THSD7B: variants seen among roughly 807,000 people sequenced by gnomAD.
The protein encoded by THSD7B is thrombospondin type-1 domain-containing protein 7B.
A neutral mutation model predicts 213.6 loss-of-function variants in THSD7B; 138 were observed. That is an observed-to-expected ratio of 0.65 (90% CI 0.56 to 0.74). The LOEUF is 0.74. THSD7B is among the 30% of genes least tolerant of loss of function. The probability of loss-of-function intolerance (pLI) is 0.00; values close to 1 mark genes in which losing one functional copy is unlikely to be tolerated. For missense variants in THSD7B, 1,931 were observed against 1,991.5 expected (o/e 0.97, Z 0.58); for synonymous variants, 742 against 687.0 (o/e 1.08, Z -1.25).
intron 7 of THSD7B, among the ~76,000 whole-genome samples, chr2:137,177,585 T>C (rs1477219136): frequency 6.6e-6 from 1 of 152,126 alleles, no homozygotes; most frequent in Non-Finnish European, 1.5e-5. Flanking sequence ...TCAGTAGGGC[T>C]AGAATAGGGC....
At chr2:137,076,675 C>T (rs1041202855) in intron 3 of THSD7B, among the ~76,000 whole-genome samples, 98 of 152,188 alleles carry the variant, frequency 6.4e-4, no homozygotes, top group Non-Finnish European at 1.2e-4. Flanking sequence ...CCATCTTCTG[C>T]GTCACTCACG....
intron 7 of THSD7B, among the ~76,000 whole-genome samples, chr2:137,196,627 GGGT>G (rs1680771275): frequency 6.6e-6 from 1 of 151,974 alleles, no homozygotes; most frequent in South Asian, 2.1e-4. Context: ...TTGTCCATGT[GGGT>G]GGCTGAGACA....
At chr2:136,787,845 C>T (rs199809467) in intron 1 of THSD7B, among the ~76,000 whole-genome samples, 1 of 151,554 alleles carries the variant, frequency 6.6e-6, no homozygotes, top group Middle Eastern at 3.2e-3. Flanking sequence ...GTAGTTTCCC[C>T]TAATGCTATT....
At position 137,275,978 on chromosome 2, in the gene THSD7B, G is replaced by T; in HGVS notation, c.2452G>T (p.Gly818Ter). 2 of 1,612,310 alleles carry T rather than the reference G, an allele frequency of 1.2e-6. No individual in the cohort carries two copies. The highest frequency in any genetic ancestry group is 1.1e-5 in the South Asian group (1 of 91,008). Residue 818 changes from glycine to a stop codon, truncating the protein, a stop_gained, in exon 12 of 28, where the codon GGA becomes TGA. Coordinates refer to ENST00000409968, the MANE Select transcript of THSD7B (RefSeq NM_001316349.2). LOFTEE classifies it high-confidence loss of function. Reference sequence around the variant, plus strand: ...CTTAGTGCCAGAGTCTGTCTGGCAGGGAATAACGGGCAGCAGTGAAGCCTG... The same window carrying T: ...CTTAGTGCCAGAGTCTGTCTGGCAGTGAATAACGGGCAGCAGTGAAGCCTG... ...CILVPESVWQ[G>*]ITGSSEACGK...
intron 21 of THSD7B, among the ~76,000 whole-genome samples, chr2:137,647,421 TTCTCTC>T (rs60400076): frequency 5.1e-4 from 43 of 84,580 alleles, no homozygotes; most frequent in African/African-American, 1.8e-3. Flanking sequence ...CTCTGTCTCT[TTCTCTC>T]TCTCTCTCTC....
chr2:137,470,910 C>CTTTTTT (rs70978226), intron 15 of THSD7B, among the ~76,000 whole-genome samples: 5 of 119,822 alleles, frequency 4.2e-5, no homozygotes, highest in Non-Finnish European at 6.9e-5. Flanking sequence ...TTTTTCTTTA[C>CTTTTTT]TTTTTTTTTT....
rs187887961 is a variant in THSD7B, at chr2:137,232,902, G to A, written c.1919G>A (p.Gly640Glu). 6.8e-6 allele frequency: 11 copies of A among 1,613,764 alleles called. No individual in the cohort carries two copies. The East Asian group carries it at 2.5e-4, about 36-fold the overall frequency. The change falls in exon 9 of 28, where the codon GGA becomes GAA. Residue 640 changes from glycine (G) to glutamate (E), a missense_variant. By Grantham distance (98) the Gly-to-Glu change is moderately conservative. Transcript: ENST00000409968. Reference protein sequence around the residue: ...RTILALAGEGGKPCPPSQALQ... With the variant: ...RTILALAGEGEKPCPPSQALQ... Reference sequence around the variant, plus strand: ...CTTTTGTTCTTATTTTTGGCAGGTGGAAAGCCATGTCCCCCTAGTCAGGCT... The same window carrying A: ...CTTTTGTTCTTATTTTTGGCAGGTGAAAAGCCATGTCCCCCTAGTCAGGCT...
chr2:137,520,953 T>C (rs1680173035), intron 15 of THSD7B, among the ~76,000 whole-genome samples: 1 of 152,184 alleles, frequency 6.6e-6, no homozygotes, highest in Admixed American at 6.5e-5. Context: ...TAGTGAACCA[T>C]TGTGGGTGAA....
intron 15 of THSD7B, among the ~76,000 whole-genome samples, chr2:137,527,504 C>T (rs1680300894): frequency 6.6e-6 from 1 of 151,994 alleles, no homozygotes; most frequent in Non-Finnish European, 1.5e-5. Context: ...TTTAGCTGAA[C>T]ATTGTGGTTA....
chr2:137,387,733 A>G (rs2104973239), intron 12 of THSD7B, among the ~76,000 whole-genome samples: 1 of 152,312 alleles, frequency 6.6e-6, no homozygotes, highest in Middle Eastern at 3.4e-3. Context: ...TTAAGAGTTC[A>G]ACTAAATAGC....
At chr2:137,514,775 A>G (rs542877616) in intron 15 of THSD7B, among the ~76,000 whole-genome samples, 1 of 152,150 alleles carries the variant, frequency 6.6e-6, no homozygotes, top group African/African-American at 2.4e-5. Flanking sequence ...TGCAAAATAA[A>G]TGCATTTGAC....
chr2:136,803,183 G>C (rs1319993672), intron 1 of THSD7B, among the ~76,000 whole-genome samples: 1 of 151,738 alleles, frequency 6.6e-6, no homozygotes, highest in Non-Finnish European at 1.5e-5. Flanking sequence ...ATATATATAA[G>C]ACTGTTTATT....
Position 137,056,803 on chromosome 2 carries a change from C to A in THSD7B, c.523C>A (p.Pro175Thr). Residue 175 changes from proline (P) to threonine (T), a missense_variant, in exon 3 of 28, where the codon CCT becomes ACT. Pro to Thr is a conservative substitution (Grantham distance 38, BLOSUM62 -1). Transcript: ENST00000409968. Reference protein sequence around the residue: ...QPPTEQACLIPCPRDCVVSEF... With the variant: ...QPPTEQACLITCPRDCVVSEF... ...TCCTACAGAACAGGCTTGCCTCATT[C>A]CTTGTCCCCGGGATTGTGTAGTATC... 6.2e-7 allele frequency: 1 copy of A among 1,613,940 alleles called. No individual in the cohort carries two copies.
At chr2:137,394,656 G>C (rs1245247489) in intron 12 of THSD7B, among the ~76,000 whole-genome samples, 4 of 138,032 alleles carry the variant, frequency 2.9e-5, no homozygotes, top group Non-Finnish European at 6.4e-5. Flanking sequence ...CTCTTTTTTG[G>C]TTCCATATGA....
At chr2:137,049,688 C>T (rs1341906634) in intron 2 of THSD7B, among the ~76,000 whole-genome samples, 1 of 152,140 alleles carries the variant, frequency 6.6e-6, no homozygotes, top group African/African-American at 2.4e-5. Context: ...CTCAAGCAAA[C>T]AAAGGCAGGA....
chr2:136,848,126 G>A lies in THSD7B; in HGVS notation c.-35-34018G>A, dbSNP rs984978240. Among the ~76,000 whole-genome samples the A allele has an allele frequency of 1.4e-4, 22 of 152,134 alleles. 1 individual carries two copies. The highest frequency in any genetic ancestry group is 1.2e-3 in the Admixed American group (18 of 15,268). The stretch of plus-strand genomic sequence containing the variant: ...AGATCTTAGAGGTCTTCTAATCCAG[G>A]TTTCTCATACAGTGCACAATTCCTG... On this transcript the variant is annotated intron_variant, in intron 1 of 27. Coordinates refer to ENST00000409968, the MANE Select transcript of THSD7B (RefSeq NM_001316349.2).
chr2:137,632,328 T>C (rs959456263), intron 20 of THSD7B, among the ~76,000 whole-genome samples: 1 of 152,212 alleles, frequency 6.6e-6, no homozygotes, highest in Non-Finnish European at 1.5e-5. Flanking sequence ...CTAAATATGT[T>C]CTTGCCTCGC....
intron 6 of THSD7B, among the ~76,000 whole-genome samples, chr2:137,164,166 G>A (rs1415662834): frequency 6.6e-6 from 1 of 152,084 alleles, no homozygotes; most frequent in East Asian, 1.9e-4. Context: ...AGTTGTGGGA[G>A]GGCAGGAGGT....
rs2105012600 is a variant in THSD7B, at chr2:137,411,574, A to G, written c.2696-35A>G. 4 of 1,563,244 alleles carry G rather than the reference A, an allele frequency of 2.6e-6. No homozygotes were observed. The South Asian group carries it at 4.8e-5, about 19-fold the overall frequency. On this transcript the variant is annotated intron_variant, in intron 13 of 27. Transcript: ENST00000409968. ...GTGACTTTTAACAAAACAGCAGATA[A>G]GCATTTAATATCTTAATGTCTCTTG...
Sources: allele counts gnomAD v4.1 joint callset (sites outside exome capture counted in the v4.1 genomes callset), GRCh38; gene constraint gnomAD v4.1.1; transcripts MANE v1.5; gene names NCBI Gene and HGNC (gene_info 2026-07-23, HGNC 2026-07-21).